The following DIAPH2 variants were observed in gnomAD, a reference collection of about 807,000 sequenced individuals.
DIAPH2 encodes protein diaphanous homolog 2.
In DIAPH2, 35 loss-of-function variants were observed where a neutral mutation model predicts 92.7. The ratio of observed to expected loss-of-function variants is 0.38; its 90% confidence interval spans 0.29 to 0.50. DIAPH2 has a LOEUF of 0.50. Among genes scored for constraint, DIAPH2 ranks in the 20% least tolerant of loss-of-function variants. DIAPH2 has a pLI of 0.94. For missense variants in DIAPH2, 701 were observed against 819.5 expected, an observed-to-expected ratio of 0.86 and a Z score of 1.77; for synonymous variants, 301 against 280.4, an observed-to-expected ratio of 1.07 and a Z score of -0.73.
intron 4 of DIAPH2, among the ~76,000 whole-genome samples, chrX:96,868,826 G>C (rs975346428): frequency 1.1e-4 from 12 of 112,008 alleles, no homozygotes; most frequent in African/African-American, 3.9e-4. Context: ...GTAAGAGATA[G>C]ATGCCTTGTG....
At chrX:97,464,278 G>A (rs930093130) in intron 26 of DIAPH2, among the ~76,000 whole-genome samples, 21 of 78,125 alleles carry the variant, frequency 2.7e-4, no homozygotes, top group Non-Finnish European at 4.8e-4. Flanking sequence ...TGGCTAACAC[G>A]GTGAAACCCC....
intron 23 of DIAPH2, among the ~76,000 whole-genome samples, chrX:97,344,885 TGCAA>T (rs2087370977): frequency 8.9e-6 from 1 of 112,380 alleles, no homozygotes; most frequent in African/African-American, 3.2e-5. Flanking sequence ...TTGAGCTTTC[TGCAA>T]TATGCAAACA....
chrX:96,692,814 C>G (rs1302909786), intron 1 of DIAPH2, among the ~76,000 whole-genome samples: 1 of 111,996 alleles, frequency 8.9e-6, no homozygotes, highest in African/African-American at 3.2e-5. Flanking sequence ...TCATATGACT[C>G]TTTGACATTC....
intron 26 of DIAPH2, among the ~76,000 whole-genome samples, chrX:97,593,697 CAACA>C (rs755485709): frequency 1.7e-3 from 184 of 111,263 alleles, no homozygotes; most frequent in African/African-American, 2.3e-3. Flanking sequence ...AACAAGCAAT[CAACA>C]AACAAAGGAA....
intron 21 of DIAPH2, among the ~76,000 whole-genome samples, chrX:97,117,037 G>A (rs1017524515): frequency 3.6e-5 from 4 of 111,391 alleles, no homozygotes; most frequent in African/African-American, 9.8e-5. Context: ...ATAATCTTGC[G>A]GGAAATACTA....
At chrX:96,922,325 CG>C (rs2065551494) in intron 9 of DIAPH2, among the ~76,000 whole-genome samples, 1 of 111,288 alleles carries the variant, frequency 9.0e-6, no homozygotes, top group Non-Finnish European at 1.9e-5. Context: ...TTCCTATTTT[CG>C]GTTATAGAGG....
At chrX:96,756,297 C>T (rs1489689821) in intron 3 of DIAPH2, among the ~76,000 whole-genome samples, 1 of 111,341 alleles carries the variant, frequency 9.0e-6, no homozygotes, top group African/African-American at 3.3e-5. Context: ...CCTCTTCTCC[C>T]CTGGCCCTGG....
Position 97,412,379 on chromosome X carries a change from G to C in DIAPH2, c.3146-17271G>C, listed in dbSNP as rs374629299. On this transcript the variant is annotated intron_variant, in intron 25 of 26. Coordinates refer to ENST00000324765, the MANE Select transcript of DIAPH2 (RefSeq NM_006729.5). Reference sequence around the variant, plus strand: ...GTGAGAACAAAGGCACAACATACAAGAATCTCTGGGACACATTTAAAGCAG... The same window carrying C: ...GTGAGAACAAAGGCACAACATACAACAATCTCTGGGACACATTTAAAGCAG... Among the ~76,000 whole-genome samples the C allele has an allele frequency of 3.6e-5, 4 of 112,101 alleles. No individual in the cohort carries two copies. In the East Asian group the frequency reaches 8.4e-4, roughly 23 times the overall value.
At chrX:96,908,800 C>T (rs904238261) in intron 5 of DIAPH2, among the ~76,000 whole-genome samples, 73 of 111,298 alleles carry the variant, frequency 6.6e-4, no homozygotes, top group Non-Finnish European at 1.2e-3. Context: ...AGGGTTTCAC[C>T]GTGTTAGCCA....
intron 2 of DIAPH2, among the ~76,000 whole-genome samples, chrX:96,738,004 G>T (rs1374827840): frequency 8.9e-6 from 1 of 111,816 alleles, no homozygotes; most frequent in Non-Finnish European, 1.9e-5. Context: ...TGAGGAAACA[G>T]AGAGAGACCA....
At chrX:97,580,347 A>G (rs1241033704) in intron 26 of DIAPH2, among the ~76,000 whole-genome samples, 1 of 98,428 alleles carries the variant, frequency 1.0e-5, no homozygotes, top group African/African-American at 3.7e-5. Context: ...TGTCCCATCA[A>G]TACCTAATTT....
At chrX:97,206,258 A>G (rs1411304923) in intron 22 of DIAPH2, among the ~76,000 whole-genome samples, 1 of 111,553 alleles carries the variant, frequency 9.0e-6, no homozygotes, top group Admixed American at 9.6e-5. Context: ...CCACCATGGC[A>G]CATGTATACC....
chrX:96,930,835 A>G lies in DIAPH2; in HGVS notation c.1081A>G (p.Met361Val), dbSNP rs1431033617. The G allele has an allele frequency of 6.8e-6, 8 of 1,182,081 alleles. No individual in the cohort carries two copies. The highest frequency in any genetic ancestry group is 7.9e-6 in the Non-Finnish European group (7 of 883,773). ...NEFLRSGLKTMLPDLKEKEND... is the reference protein window; with the variant it reads ...NEFLRSGLKTVLPDLKEKEND... ...ATTCCTCCGTTCAGGACTAAAAACA[A>G]TGTTACCAGTAAGTTGAATGTATAC... Residue 361 changes from methionine to valine, a missense_variant, in exon 10 of 27, where the codon ATG becomes GTG. By Grantham distance (21) the Met-to-Val change is conservative (BLOSUM62 1). Around this residue, in one of 3 missense-constraint regions of DIAPH2, gnomAD observed 536 missense variants for 599.3 expected, o/e 0.89. Coordinates refer to ENST00000324765, the MANE Select transcript of DIAPH2 (RefSeq NM_006729.5).
intron 23 of DIAPH2, among the ~76,000 whole-genome samples, chrX:97,316,364 G>A (rs978849144): frequency 9.1e-5 from 10 of 109,623 alleles, no homozygotes; most frequent in Non-Finnish European, 1.5e-4. Flanking sequence ...TAGACTAGCC[G>A]AGCGCAGTGG....
intron 4 of DIAPH2, among the ~76,000 whole-genome samples, chrX:96,765,706 C>T (rs1602490239): frequency 1.8e-5 from 2 of 110,843 alleles, no homozygotes; most frequent in Non-Finnish European, 3.8e-5. Context: ...AGAGAGACTA[C>T]TATATTTCCC....
intron 17 of DIAPH2, among the ~76,000 whole-genome samples, chrX:97,067,168 A>G (rs933254089): frequency 6.3e-5 from 7 of 111,806 alleles, no homozygotes; most frequent in African/African-American, 1.6e-4. Context: ...TGGTGAACAC[A>G]TGTGTTATTC....
chrX:97,114,014 G>A (rs2067000659), intron 20 of DIAPH2, among the ~76,000 whole-genome samples: 1 of 111,473 alleles, frequency 9.0e-6, no homozygotes, highest in African/African-American at 3.3e-5. Context: ...TATTTAATGT[G>A]CACCAGTGCT....
intron 23 of DIAPH2, among the ~76,000 whole-genome samples, chrX:97,280,268 A>T (rs2068485962): frequency 9.1e-6 from 1 of 109,809 alleles, no homozygotes; most frequent in South Asian, 4.0e-4. Context: ...AGGTCAGGAG[A>T]TAGAGAGCAT....
chrX:97,026,010 G>T (rs2066332573), intron 17 of DIAPH2, among the ~76,000 whole-genome samples: 1 of 111,855 alleles, frequency 8.9e-6, no homozygotes, highest in Admixed American at 9.5e-5. Flanking sequence ...ATTCATAATA[G>T]TCTGTGCTCT....
Sources: allele counts gnomAD v4.1 joint callset (sites outside exome capture counted in the v4.1 genomes callset), GRCh38; gene constraint gnomAD v4.1.1; regional missense constraint gnomAD v4.1.1; transcripts MANE v1.5; gene names NCBI Gene and HGNC (gene_info 2026-07-23, HGNC 2026-07-21).